MPDZ: variants seen among roughly 807,000 people sequenced by gnomAD.
MPDZ encodes the protein multiple PDZ domain crumbs cell polarity complex component.
MPDZ carries 234 observed loss-of-function variants against 239.1 expected under a neutral mutation model. The ratio of observed to expected loss-of-function variants is 0.98; its 90% confidence interval spans 0.88 to 1.09. MPDZ has a LOEUF of 1.09. Ranked by LOEUF, MPDZ falls within the 50% of genes least tolerant of loss-of-function variation. MPDZ has a pLI of 0.00. For synonymous variants in MPDZ, 1,048 were observed against 881.3 expected, an observed-to-expected ratio of 1.19 and a Z score of -3.35; for missense variants, 3,175 against 2,510.0, an observed-to-expected ratio of 1.26 and a Z score of -5.66.
intron 10 of MPDZ, among the ~76,000 whole-genome samples, chr9:13,213,184 A>C (rs930100717): frequency 1.3e-5 from 2 of 152,112 alleles, no homozygotes; most frequent in African/African-American, 4.8e-5. Flanking sequence ...TCCTTTTGTC[A>C]AATAGTCAAA....
At position 13,221,359 on chromosome 9, in the gene MPDZ, T is replaced by C. The variant is rs757773115; in HGVS notation, c.876+13A>G. On this transcript the variant is annotated intron_variant, in intron 7 of 46. Transcript: ENST00000319217. ...TGATAAAATAGCATAAAAGATCTAT[T>C]GATGTAGCCTACCTGATCAGCTACT... is the stretch of plus-strand genomic sequence containing the variant. The C allele has an allele frequency of 6.3e-7, 1 of 1,590,780 alleles. No individual in the cohort carries two copies. The highest frequency in any genetic ancestry group is 1.2e-5 in the South Asian group (1 of 85,894).
chr9:13,145,485 T>C (rs1948313619), intron 26 of MPDZ, among the ~76,000 whole-genome samples: 1 of 151,978 alleles, frequency 6.6e-6, no homozygotes, highest in Non-Finnish European at 1.5e-5. Flanking sequence ...CCTAGGAGCT[T>C]TATCCTATAT....
At position 13,125,736 on chromosome 9, in the gene MPDZ, C is replaced by T. The variant is rs144405838; in HGVS notation, c.4633-346G>A. The stretch of plus-strand genomic sequence containing the variant: ...GAAGATATATGGGTTATTTTACCTA[C>T]TTCCTGATTCTATAGAAGCAACTTA... On this transcript the variant is annotated intron_variant, in intron 34 of 46. Coordinates refer to ENST00000319217, the MANE Select transcript of MPDZ (RefSeq NM_001378778.1). 2.9e-3 allele frequency among the ~76,000 whole-genome samples: 437 copies of T among 152,252 alleles called. 3 individuals are homozygous for T. The highest frequency in any genetic ancestry group is 4.7e-3 in the Non-Finnish European group (320 of 68,024).
chr9:13,262,786 C>T (rs1028639502), intron 1 of MPDZ, among the ~76,000 whole-genome samples: 3 of 151,918 alleles, frequency 2.0e-5, no homozygotes, highest in African/African-American at 7.2e-5. Context: ...TTTTAAAGAA[C>T]AGACTCAGAG....
chr9:13,145,792 G>A (rs1478647979), intron 26 of MPDZ, among the ~76,000 whole-genome samples: 2 of 151,714 alleles, frequency 1.3e-5, no homozygotes, highest in Non-Finnish European at 2.9e-5. Flanking sequence ...AGATCTTCCC[G>A]GCTCATTGGA....
At chr9:13,137,738 G>A (rs1947036650) in intron 29 of MPDZ, among the ~76,000 whole-genome samples, 2 of 152,104 alleles carry the variant, frequency 1.3e-5, no homozygotes. Context: ...ATTGTTTCTG[G>A]TGCTACACAG....
intron 3 of MPDZ, among the ~76,000 whole-genome samples, chr9:13,244,929 T>A (rs1016919826): frequency 6.6e-6 from 1 of 151,978 alleles, no homozygotes; most frequent in African/African-American, 2.4e-5. Context: ...AGGAGACTGA[T>A]GGAGAGGGAG....
rs1945149926 is a variant in MPDZ at position 13,126,581 on chromosome 9, G to C, written c.4567C>G (p.Leu1523Val). Reference sequence around the variant, plus strand: ...GCCAGTATCTGATCTCCGACTTTGAGTCGTCCATCCTAAATGGAAACGTAG... The same window carrying C: ...GCCAGTATCTGATCTCCGACTTTGACTCGTCCATCCTAAATGGAAACGTAG... ...EHGVAATDGR[L>V]KVGDQILAVD... is the part of the protein sequence containing the mutation. Residue 1523 changes from leucine (L) to valine (V), a missense_variant, in exon 34 of 47, where the codon CTC (leucine) becomes GTC (valine). Transcript: ENST00000319217. The C allele has an allele frequency of 3.7e-6, 6 of 1,600,230 alleles. No individual in the cohort carries two copies. Among genetic ancestry groups the C allele is most frequent in the Non-Finnish European group, 5.1e-6 (6 of 1,172,654 alleles).
chr9:13,223,548 A>G, intron 5 of MPDZ, 23 bp downstream of exon 5: 4 of 1,577,888 alleles, frequency 2.5e-6, no homozygotes, highest in South Asian at 2.4e-5. Context: ...TCAAAAACAA[A>G]GAAGACGCCG....
At chr9:13,229,577 T>TAC (rs139327129) in intron 3 of MPDZ, among the ~76,000 whole-genome samples, 4,272 of 136,068 alleles carry the variant, frequency 0.031, 115 homozygotes, top group East Asian at 0.073. Context: ...ACACCACACT[T>TAC]ACACACACAC....
At chr9:13,196,357 C>A (rs1955649103) in intron 12 of MPDZ, 127 bp from the exon 13 acceptor site, 1 of 506,546 alleles carries the variant, frequency 2.0e-6, no homozygotes, top group East Asian at 3.1e-5. Flanking sequence ...AATATATGGG[C>A]TATTCTCATC....
chr9:13,192,502 A>G (rs947469121), intron 14 of MPDZ, among the ~76,000 whole-genome samples: 2 of 152,160 alleles, frequency 1.3e-5, no homozygotes, highest in East Asian at 3.9e-4. Flanking sequence ...AAAGCACTCA[A>G]AGAAAAACCA....
At chr9:13,274,687 G>C (rs1973768813) in intron 1 of MPDZ, 1 of 149,652 alleles carries the variant, frequency 6.7e-6, no homozygotes, top group Admixed American at 6.7e-5. Flanking sequence ...TTTCCCAAAA[G>C]GGGGAAACAT....
At chr9:13,139,765 G>A (rs997201645) in intron 28 of MPDZ, 47 of 542,978 alleles carry the variant, frequency 8.7e-5, no homozygotes, top group Non-Finnish European at 1.4e-4. Context: ...AAAAGGCAGA[G>A]TGAGCTTTAA....
Position 13,107,180 on chromosome 9 carries a change from A to T in MPDZ, c.6067-69T>A. 3 of 1,473,776 alleles carry T rather than the reference A, an allele frequency of 2.0e-6. No individual in the cohort carries two copies. The South Asian group carries it at 4.2e-5, about 21-fold the overall frequency. The allele number at this position is 1,473,776 out of a possible 1,614,324, so 91.3% of individuals were successfully genotyped here. ...GCCTTGCAACTCACAACAGAAAAAG[A>T]TCTCAACAGGAATGTAAATTGCTCT... is the stretch of plus-strand genomic sequence containing the variant. On this transcript the variant is annotated intron_variant, in intron 46 of 46. Transcript: ENST00000319217.
chr9:13,188,943 A>G lies in MPDZ; in HGVS notation c.2205T>C (p.Pro735=). Residue 735 remains proline (P), a synonymous_variant, in exon 17 of 47, where the codon CCT becomes CCC. Transcript: ENST00000319217. ...GTCCATCCTTTTCAGCAATGCCGCC[A>G]GGCACCAAAGAACGAATTATAATCA... is the stretch of plus-strand genomic sequence containing the variant. ...STVIIIRSLV[P]GGIAEKDGRL... The G allele has an allele frequency of 6.2e-7, 1 of 1,613,406 alleles. No homozygotes were observed. Among genetic ancestry groups the G allele is most frequent in the Non-Finnish European group, 8.5e-7 (1 of 1,179,534 alleles).
chr9:13,273,913 C>T (rs1973586573), intron 1 of MPDZ, among the ~76,000 whole-genome samples: 1 of 152,152 alleles, frequency 6.6e-6, no homozygotes, highest in Non-Finnish European at 1.5e-5. Flanking sequence ...CAAACAAATG[C>T]TATTAGTATC....
intron 39 of MPDZ, among the ~76,000 whole-genome samples, chr9:13,115,685 A>C (rs1473176645): frequency 6.6e-6 from 1 of 151,954 alleles, no homozygotes; most frequent in African/African-American, 2.4e-5. Context: ...AAACAAAGCG[A>C]CTGTAATCCC....
chr9:13,271,773 CT>C (rs1973029388), intron 1 of MPDZ, among the ~76,000 whole-genome samples: 1 of 152,168 alleles, frequency 6.6e-6, no homozygotes, highest in Admixed American at 6.5e-5. Flanking sequence ...CTTAAAAACT[CT>C]TTAATGGTAT....
Sources: allele counts gnomAD v4.1 joint callset (sites outside exome capture counted in the v4.1 genomes callset), GRCh38; gene constraint gnomAD v4.1.1; transcripts MANE v1.5; gene names NCBI Gene and HGNC (gene_info 2026-07-23, HGNC 2026-07-21).